Variants in KIF18B observed in about 807,000 individuals in gnomAD.
The protein encoded by KIF18B is kinesin-like protein KIF18B.
In KIF18B, 49 loss-of-function variants were observed where a neutral mutation model predicts 80.9. The observed-to-expected ratio is 0.61, with a 90% CI of 0.48 to 0.77. KIF18B has a LOEUF of 0.77. KIF18B is among the 30% of genes least tolerant of loss of function. The pLI is 0.00. For missense variants in KIF18B, 994 were observed against 1,127.7 expected, an observed-to-expected ratio of 0.88 and a Z score of 1.70; for synonymous variants, 439 against 463.9, an observed-to-expected ratio of 0.95 and a Z score of 0.69.
At position 44,928,417 on chromosome 17, in the gene KIF18B, T is replaced by C; in HGVS notation, c.1885A>G (p.Arg629Gly). Residue 629 changes from arginine (R) to glycine (G), a missense_variant, in exon 13 of 16, where the codon AGG becomes GGG. By Grantham distance (125) the Arg-to-Gly change is moderately radical (BLOSUM62 -2). Transcript: ENST00000593135. The stretch of plus-strand genomic sequence containing the variant: ...GCCTCCAAGGCGCTTGGTCTCCTCC[T>C]CTTCTTCTCCATGGGCCATCGGGAC... Reference protein sequence around the residue: ...QGSRWPMEKKRRRPSALEADS... With the variant: ...QGSRWPMEKKGRRPSALEADS... 1 of 1,547,302 alleles carries C rather than the reference T, an allele frequency of 6.5e-7. No individual in the cohort carries two copies. The highest frequency in any genetic ancestry group is 8.7e-7 in the Non-Finnish European group (1 of 1,150,616).
rs781348504 is a variant in KIF18B, at chr17:44,939,366, C to CAAAAAAAAAAAAA, written c.-14-3021_-14-3009dup. ...AGCCTGGGTGACAGAGACTCCATCT[C>CAAAAAAAAAAAAA]AAAAAAAAAAAAAAAAAAAAAAAAA... On this transcript the variant is annotated intron_variant, in intron 1 of 15. Transcript: ENST00000593135. Among the ~76,000 whole-genome samples the CAAAAAAAAAAAAA allele has an allele frequency of 1.5e-3, 54 of 36,942 alleles. 1 individual carries two copies. Among genetic ancestry groups the CAAAAAAAAAAAAA allele is most frequent in the Admixed American group, 3.1e-3 (7 of 2,242 alleles). The allele number at this position is 36,942 out of a possible 152,430, so 24.2% of individuals were successfully genotyped here.
chr17:44,932,140 C>T lies in KIF18B; in HGVS notation c.1305G>A (p.Glu435=). The change falls in exon 10 of 16, where the codon GAG becomes GAA. Residue 435 remains glutamate, a synonymous_variant. Coordinates refer to ENST00000593135, the MANE Select transcript of KIF18B (RefSeq NM_001265577.2). ...RALQEESLGM[E]AQVERAMEGN... is the part of the protein sequence containing the mutation. ...CTTCCATGGCCCTCTCCACCTGGGC[C>T]TCCATCCCCAGACTCTCCTCTTGAA... The T allele has an allele frequency of 1.2e-6, 2 of 1,613,870 alleles. No individual in the cohort carries two copies. The highest frequency in any genetic ancestry group is 1.7e-6 in the Non-Finnish European group (2 of 1,179,844).
At chr17:44,932,794 C>A (rs758584625) in intron 8 of KIF18B, 21 bp from the exon 9 acceptor site, 4 of 1,601,212 alleles carry the variant, frequency 2.5e-6, no homozygotes, top group Non-Finnish European at 3.4e-6. Context: ...AGCAGCCCAG[C>A]CCCTGAGAGC....
Position 44,947,714 on chromosome 17 carries a change from G to A in KIF18B, c.-101C>T, listed in dbSNP as rs1164445078. ...AGACAGCAGTACCCACACCGGGAGA[G>A]AGCGCCCCACACCCTCCCCTACCCG... On this transcript the variant is annotated 5_prime_UTR_variant, in exon 1 of 16. Coordinates refer to ENST00000593135, the MANE Select transcript of KIF18B (RefSeq NM_001265577.2). 1 of 152,290 alleles carries A rather than the reference G, an allele frequency of 6.6e-6. No individual in the cohort carries two copies. Among genetic ancestry groups the A allele is most frequent in the Non-Finnish European group, 1.5e-5 (1 of 68,100 alleles). The allele number at this position is 152,290 out of a possible 1,614,324, so 9.4% of individuals were successfully genotyped here.
chr17:44,932,632 T>G, intron 9 of KIF18B, 41 bp downstream of exon 9: 22 of 1,052,162 alleles, frequency 2.1e-5, no homozygotes, highest in Non-Finnish European at 2.8e-5. Flanking sequence ...CCATCCTGGC[T>G]GAGCTGCAGG....
At chr17:44,947,015 A>G (rs1369997911) in intron 1 of KIF18B, among the ~76,000 whole-genome samples, 1 of 144,156 alleles carries the variant, frequency 6.9e-6, no homozygotes, top group Non-Finnish European at 1.5e-5. Flanking sequence ...AGGCTGAGGT[A>G]GGAGAATCGC....
chr17:44,928,231 G>T lies in KIF18B; in HGVS notation c.2071C>A (p.Pro691Thr). 6.2e-7 allele frequency: 1 copy of T among 1,613,514 alleles called. No individual in the cohort carries two copies. Among genetic ancestry groups the T allele is most frequent in the Non-Finnish European group, 8.5e-7 (1 of 1,179,708 alleles). Reference protein sequence around the residue: ...SSPCHSPRVCPATVIKSRVPL... With the variant: ...SSPCHSPRVCTATVIKSRVPL... ...ACCCGGCTTTTGATGACTGTGGCTG[G>T]GCAAACGCGAGGGGAATGGCAGGGG... The change falls in exon 13 of 16, where the codon CCA (proline) becomes ACA (threonine). Residue 691 changes from proline (P) to threonine (T), a missense_variant. Pro to Thr is a conservative substitution (Grantham distance 38, BLOSUM62 -1). Transcript: ENST00000593135.
intron 3 of KIF18B, 100 bp from the exon 4 acceptor site, chr17:44,935,035 G>T: frequency 1.1e-6 from 1 of 951,346 alleles, no homozygotes; most frequent in Non-Finnish European, 1.6e-6. Flanking sequence ...ATGTATCTGA[G>T]ACACCCACAG....
rs767757178 is a variant in KIF18B, at chr17:44,933,945, C to T, written c.1040G>A (p.Arg347Gln). 1.2e-5 allele frequency: 19 copies of T among 1,575,202 alleles called. No homozygotes were observed. Among genetic ancestry groups the T allele is most frequent in the African/African-American group, 2.7e-5 (2 of 74,250 alleles). ...CACCGAGAGCCTGATCTCCTTGGCC[C>T]GGTCGGCATATTTGAGGGTGTTGTA... ...DTYNTLKYAD[R>Q]AKEIRLSLKS... Residue 347 changes from arginine to glutamine, a missense_variant, in exon 7 of 16, where the codon CGG (arginine) becomes CAG (glutamine). Transcript: ENST00000593135.
rs1359108834 is a variant in KIF18B, at chr17:44,932,202, G to T, written c.1243C>A (p.Pro415Thr). The change falls in exon 10 of 16, where the codon CCC becomes ACC. Residue 415 changes from proline (P) to threonine (T), a missense_variant. By Grantham distance (38) the Pro-to-Thr change is conservative (BLOSUM62 -1). Transcript: ENST00000593135. The part of the protein sequence containing the change: ...PKSGPPPEHQ[P>T]CTPELPAGPR... ...CCTGCAGGGAGCTCTGGGGTGCAGG[G>T]CTGGCTGGGAGGGTGGGGTGGCAAG... 1 of 1,592,428 alleles carries T rather than the reference G, an allele frequency of 6.3e-7. No individual in the cohort carries two copies. The highest frequency in any genetic ancestry group is 1.1e-5 in the South Asian group (1 of 88,924).
At chr17:44,935,053 G>A (rs537422341) in intron 3 of KIF18B, 118 bp from the exon 4 acceptor site, 10 of 894,242 alleles carry the variant, frequency 1.1e-5, no homozygotes, top group Admixed American at 5.4e-5. Flanking sequence ...CAGAAGTGGC[G>A]CTTCCCAGGA....
At chr17:44,937,855 A>G (rs2052338839) in intron 1 of KIF18B, among the ~76,000 whole-genome samples, 2 of 152,126 alleles carry the variant, frequency 1.3e-5, no homozygotes, top group Non-Finnish European at 2.9e-5. Flanking sequence ...GTGCTTCCCT[A>G]TTTAGACATT....
At position 44,928,802 on chromosome 17, in the gene KIF18B, A is replaced by G; in HGVS notation, c.1723+17T>C. On this transcript the variant is annotated intron_variant, in intron 12 of 15. Transcript: ENST00000593135. Reference sequence around the variant, plus strand: ...AGCACCTTGAAGACAGGCAGGGGAGAGCAGGATGAGACTCACTTGACTCTG... The same window carrying G: ...AGCACCTTGAAGACAGGCAGGGGAGGGCAGGATGAGACTCACTTGACTCTG... The G allele has an allele frequency of 1.2e-6, 2 of 1,611,300 alleles. No individual in the cohort carries two copies. The highest frequency in any genetic ancestry group is 1.7e-6 in the Non-Finnish European group (2 of 1,178,504).
Position 44,933,992 on chromosome 17 carries a change from G to A in KIF18B, c.993C>T (p.Ser331=). The change falls in exon 7 of 16, where the codon TCC becomes TCT. Residue 331 remains serine, a synonymous_variant. Coordinates refer to ENST00000593135, the MANE Select transcript of KIF18B (RefSeq NM_001265577.2). ...RTVMIAAISP[S]SLTYEDTYNT... ...TGTACGTGTCCTCGTAGGTCAGGCT[G>A]GAGGGGCTGATGGCAGCGATCATCA... is the stretch of plus-strand genomic sequence containing the variant. 1 of 1,607,350 alleles carries A rather than the reference G, an allele frequency of 6.2e-7. No individual in the cohort carries two copies. The highest frequency in any genetic ancestry group is 1.1e-5 in the South Asian group (1 of 89,664).
Position 44,935,346 on chromosome 17 carries a change from G to A in KIF18B, c.384C>T (p.Ile128=). The A allele has an allele frequency of 6.2e-7, 1 of 1,613,314 alleles. No homozygotes were observed. Among genetic ancestry groups the A allele is most frequent in the Non-Finnish European group, 8.5e-7 (1 of 1,179,546 alleles). The change falls in exon 3 of 16, where the codon ATC becomes ATT. Residue 128 remains isoleucine (I), a synonymous_variant. Coordinates refer to ENST00000593135, the MANE Select transcript of KIF18B (RefSeq NM_001265577.2). ...ACAGTTCCACGGTGGTCAGGTACAT[G>A]ATGCCGGGGTCCCCCTCCCTTCCCA... ...TMLGREGDPG[I]MYLTTVELYR...
At chr17:44,932,234 C>G (rs759214882) in intron 9 of KIF18B, 28 bp from the exon 10 acceptor site, 4 of 1,561,758 alleles carry the variant, frequency 2.6e-6, no homozygotes, top group Non-Finnish European at 3.5e-6. Context: ...CAAGGGGGAG[C>G]TGGGAAGGCT....
At position 44,934,656 on chromosome 17, in the gene KIF18B, C is replaced by T. The variant is rs1567793178; in HGVS notation, c.577-39G>A. The T allele has an allele frequency of 2.2e-5, 33 of 1,500,928 alleles. No homozygotes were observed. Among genetic ancestry groups the T allele is most frequent in the African/African-American group, 4.2e-5 (3 of 71,892 alleles). 93.0% of individuals were successfully genotyped at this position (1,500,928 alleles called of 1,614,324 possible). ...GCCCAGGAACGGGGCTGTGGGTTCC[C>T]GGATCAGGACTTTTCCCCTAACAGG... is the stretch of plus-strand genomic sequence containing the variant. On this transcript the variant is annotated intron_variant, in intron 4 of 15. Coordinates refer to ENST00000593135, the MANE Select transcript of KIF18B (RefSeq NM_001265577.2). This position sits in a 1 kb window ranked among gnomAD's most constrained non-coding sequence, Gnocchi z 5.4.
chr17:44,930,798 G>A (rs2052129552), intron 11 of KIF18B, among the ~76,000 whole-genome samples: 1 of 152,136 alleles, frequency 6.6e-6, no homozygotes, highest in Non-Finnish European at 1.5e-5. Context: ...GAGATCAGGG[G>A]GATGTCGCAC....
chr17:44,927,221 G>A lies in KIF18B; in HGVS notation c.2277-143C>T, dbSNP rs2052048197. ...TCTGAGGTTTCTTCTACAAAGAGGT[G>A]GATTCCTCTCTCTGCCTGGCTGACA... is the stretch of plus-strand genomic sequence containing the variant. On this transcript the variant is annotated intron_variant, in intron 13 of 15. Coordinates refer to ENST00000593135, the MANE Select transcript of KIF18B (RefSeq NM_001265577.2). The surrounding 1 kb of genome is among the most constrained non-coding windows in gnomAD (Gnocchi z 4.1). 1.6e-6 allele frequency: 1 copy of A among 613,590 alleles called. No individual in the cohort carries two copies. The highest frequency in any genetic ancestry group is 2.8e-6 in the Non-Finnish European group (1 of 351,712). 38.0% of individuals were successfully genotyped at this position (613,590 alleles called of 1,614,324 possible). A position where few individuals can be genotyped will look rare whatever the true frequency, so the allele number is the denominator to read the frequency against.
Sources: allele counts gnomAD v4.1 joint callset (sites outside exome capture counted in the v4.1 genomes callset), GRCh38; gene constraint gnomAD v4.1.1; non-coding constraint Gnocchi (gnomAD v3.1); transcripts MANE v1.5; gene names NCBI Gene and HGNC (gene_info 2026-07-23, HGNC 2026-07-21).